The following MAD1L1 variants were observed in gnomAD, a reference collection of about 807,000 sequenced individuals.
MAD1L1 encodes the protein mitotic arrest deficient 1 like 1, also known as mitotic spindle assembly checkpoint protein MAD1.
MAD1L1 carries 95 observed loss-of-function variants against 96.9 expected under a neutral mutation model. The observed-to-expected ratio is 0.98, with a 90% CI of 0.83 to 1.16. MAD1L1 has a LOEUF of 1.16. MAD1L1 is among the 50% of genes most tolerant of loss of function. The pLI is 0.00. For missense variants in MAD1L1, 1,007 were observed against 954.4 expected (o/e 1.06, Z -0.73); for synonymous variants, 473 against 396.6 (o/e 1.19, Z -2.29).
chr7:1,886,102 T>A (rs1786006391), intron 18 of MAD1L1, among the ~76,000 whole-genome samples: 1 of 152,204 alleles, frequency 6.6e-6, no homozygotes, highest in East Asian at 1.9e-4. Flanking sequence ...CGTGGGCATG[T>A]TTACCTTCTC....
intron 11 of MAD1L1, among the ~76,000 whole-genome samples, chr7:2,092,186 A>C (rs1786249736): frequency 6.6e-6 from 1 of 152,108 alleles, no homozygotes; most frequent in South Asian, 2.1e-4. Flanking sequence ...AGCCATTCCC[A>C]CAGTGTGTGG....
chr7:2,173,458 T>C (rs1790804968), intron 10 of MAD1L1, among the ~76,000 whole-genome samples: 1 of 152,234 alleles, frequency 6.6e-6, no homozygotes, highest in Non-Finnish European at 1.5e-5. Context: ...TACTTTGTGC[T>C]TCCCCTCAAG....
At chr7:2,107,242 G>GCTGC (rs776328026) in intron 11 of MAD1L1, among the ~76,000 whole-genome samples, 1 of 152,182 alleles carries the variant, frequency 6.6e-6, no homozygotes, top group Non-Finnish European at 1.5e-5. Flanking sequence ...GTGAGGTCTC[G>GCTGC]CTGCCGGAGC....
At chr7:2,225,254 ACTGGG>A (rs1793824536) in intron 4 of MAD1L1, among the ~76,000 whole-genome samples, 151 bp downstream of exon 4, 1 of 37,222 alleles carries the variant, frequency 2.7e-5, no homozygotes, top group South Asian at 1.1e-3. Flanking sequence ...GCTCCCAGGG[ACTGGG>A]ATCTGATTTC....
rs1042629030 is a variant in MAD1L1, at chr7:2,221,559, G to A, written c.471+1016C>T. Among the ~76,000 whole-genome samples the A allele has an allele frequency of 6.1e-5, 9 of 147,996 alleles. No homozygotes were observed. The East Asian group carries it at 8.4e-4, about 14-fold the overall frequency. ...TTTCATGTTTCCTCTTGGCACCAGC[G>A]ATCTTGATCGCCACAGACAAAGGAC... On this transcript the variant is annotated intron_variant, in intron 5 of 18. Transcript: ENST00000265854.
chr7:2,137,426 C>T (rs1304853777), intron 11 of MAD1L1, among the ~76,000 whole-genome samples: 1 of 152,202 alleles, frequency 6.6e-6, no homozygotes, highest in Non-Finnish European at 1.5e-5. Context: ...AGGTCAGACA[C>T]CTTCCGCTCT....
chr7:2,207,991 G>T (rs1792688167), intron 10 of MAD1L1, among the ~76,000 whole-genome samples: 1 of 152,122 alleles, frequency 6.6e-6, no homozygotes, highest in Non-Finnish European at 1.5e-5. Context: ...CTTGGTGTGG[G>T]GGAAACCTTC....
At chr7:1,869,131 C>G (rs1408408360) in intron 18 of MAD1L1, among the ~76,000 whole-genome samples, 1 of 152,152 alleles carries the variant, frequency 6.6e-6, no homozygotes, top group Non-Finnish European at 1.5e-5. Context: ...CATGCCCAGG[C>G]ACCATCGCCC....
At chr7:2,047,905 T>C (rs1783998382) in intron 12 of MAD1L1, among the ~76,000 whole-genome samples, 1 of 152,102 alleles carries the variant, frequency 6.6e-6, no homozygotes, top group East Asian at 1.9e-4. Context: ...TGCACACTCA[T>C]GCTCAATGCA....
At chr7:1,911,681 C>T (rs896949211) in intron 17 of MAD1L1, among the ~76,000 whole-genome samples, 2 of 152,070 alleles carry the variant, frequency 1.3e-5, no homozygotes, top group African/African-American at 4.8e-5. Flanking sequence ...AGTCCGGCGT[C>T]ACCTCCAGAA....
intron 18 of MAD1L1, among the ~76,000 whole-genome samples, chr7:1,882,776 C>A (rs1268880080): frequency 6.6e-6 from 1 of 152,250 alleles, no homozygotes; most frequent in African/African-American, 2.4e-5. Flanking sequence ...GGGTCCACAC[C>A]CAGGCCTGCC....
chr7:2,056,659 C>G (rs1399705908), intron 12 of MAD1L1, among the ~76,000 whole-genome samples: 2 of 152,160 alleles, frequency 1.3e-5, no homozygotes, highest in Admixed American at 1.3e-4. Flanking sequence ...GGGCTCCCAC[C>G]CAGCGCCCAT....
chr7:1,895,375 C>T (rs1370913138), intron 18 of MAD1L1, among the ~76,000 whole-genome samples: 3 of 152,178 alleles, frequency 2.0e-5, no homozygotes, highest in African/African-American at 4.8e-5. Context: ...GCAACAGCTG[C>T]ACTTGGGCAC....
rs772229946 is a variant in MAD1L1, at chr7:2,216,292, T to C, written c.679-5A>G. ...GGACAGCTTCTGCTCCAGATCCTGA[T>C]GGAGGCCAGGGACAGAGAAGAAGGG... is the stretch of plus-strand genomic sequence containing the variant. On this transcript the variant is annotated splice_polypyrimidine_tract_variant and splice_region_variant and intron_variant, in intron 7 of 18. Transcript: ENST00000265854. The C allele has an allele frequency of 1.6e-5, 26 of 1,612,944 alleles. No individual in the cohort carries two copies. The highest frequency in any genetic ancestry group is 2.1e-5 in the Non-Finnish European group (25 of 1,179,774).
chr7:1,907,211 C>A (rs1457767177), intron 17 of MAD1L1, among the ~76,000 whole-genome samples: 1 of 152,234 alleles, frequency 6.6e-6, no homozygotes, highest in Non-Finnish European at 1.5e-5. Context: ...GCCCCTGTCC[C>A]ACGGTCCCCC....
intron 17 of MAD1L1, among the ~76,000 whole-genome samples, chr7:1,913,443 A>AGGGAGCAAAGGGAGT (rs57726885): frequency 2.0e-5 from 3 of 152,078 alleles, no homozygotes; most frequent in South Asian, 4.1e-4. Flanking sequence ...GGCCTGGAGA[A>AGGGAGCAAAGGGAGT]GGGAACCGTC....
In MAD1L1 at chr7:2,070,061, G is replaced by A. The variant is rs112377489; in HGVS notation, c.1074-723C>T. On this transcript the variant is annotated intron_variant, in intron 11 of 18. Coordinates refer to ENST00000265854, the MANE Select transcript of MAD1L1 (RefSeq NM_001013836.2). ...CTGTCTCCTCAGACAGCAGAGAGGG[G>A]CTGGGTCATGCGATTTTTAAGCCTT... Among the ~76,000 whole-genome samples the A allele has an allele frequency of 1.5e-3, 236 of 152,338 alleles. 2 individuals carry two copies. Among genetic ancestry groups the A allele is most frequent in the African/African-American group, 5.5e-3 (229 of 41,576 alleles).
chr7:1,859,842 A>ACACCCGGCGGGGCGGCC (rs1784436638), intron 18 of MAD1L1, among the ~76,000 whole-genome samples: 1 of 146,248 alleles, frequency 6.8e-6, no homozygotes, highest in African/African-American at 2.6e-5. Flanking sequence ...CTTAGACATG[A>ACACCCGGCGGGGCGGCC]TACCCGGCGG....
At chr7:2,166,766 C>T (rs547491204) in intron 10 of MAD1L1, among the ~76,000 whole-genome samples, 2 of 152,318 alleles carry the variant, frequency 1.3e-5, no homozygotes, top group East Asian at 3.9e-4. Context: ...GGAGAATGAC[C>T]TGGGCGGAAC....
Sources: allele counts gnomAD v4.1 joint callset (sites outside exome capture counted in the v4.1 genomes callset), GRCh38; gene constraint gnomAD v4.1.1; transcripts MANE v1.5; gene names NCBI Gene and HGNC (gene_info 2026-07-23, HGNC 2026-07-21).